IRF3: variants seen among roughly 807,000 people sequenced by gnomAD.
The protein encoded by IRF3 is interferon regulatory factor 3.
Under a neutral mutation model 43.2 loss-of-function variants are expected in IRF3, and 29 were observed. The ratio of observed to expected loss-of-function variants is 0.67; its 90% CI spans 0.50 to 0.91. IRF3 has a LOEUF of 0.91. IRF3 is among the 40% of genes least tolerant of loss of function. IRF3 has a pLI of 0.00. For synonymous variants in IRF3, 228 were observed against 233.9 expected (o/e 0.97, Z 0.23); for missense variants, 505 against 559.1 (o/e 0.90, Z 0.98).
At chr19:49,661,275 C>T (rs2122603752) in intron 6 of IRF3, among the ~76,000 whole-genome samples, 1 of 152,354 alleles carries the variant, frequency 6.6e-6, no homozygotes, top group East Asian at 1.9e-4. Flanking sequence ...GGCTGCTGCA[C>T]CGGACAGTGC....
chr19:49,661,589 T>G (rs371311632), intron 6 of IRF3: 8 of 165,634 alleles, frequency 4.8e-5, no homozygotes, highest in East Asian at 3.4e-4. Flanking sequence ...TTCTTTTTTT[T>G]TTGTTGTTCG....
chr19:49,660,802 C>T lies in IRF3; in HGVS notation c.1009G>A (p.Gly337Arg), dbSNP rs561346823. The change falls in exon 7 of 8, where the codon GGA becomes AGA. Residue 337 changes from glycine to arginine, a missense_variant. Physicochemically the swap from Gly to Arg is moderately radical, Grantham distance 125 (BLOSUM62 -2). Coordinates refer to ENST00000377139, the MANE Select transcript of IRF3 (RefSeq NM_001571.6). ...VDLITFTEGS[G>R]RSPRYALWFC... ...CAGAGGGCATAGCGTGGTGAGCGTC[C>T]GCTTCCTTCCGTGAAGGTAATCAGA... 6.3e-5 allele frequency: 101 copies of T among 1,606,266 alleles called. 1 individual carries two copies. In the Middle Eastern group the frequency reaches 8.3e-4, roughly 13 times the overall value.
Position 49,665,743 on chromosome 19 carries a change from G to C in IRF3, c.-121C>G. 1 of 1,514,808 alleles carries C rather than the reference G, an allele frequency of 6.6e-7. No individual in the cohort carries two copies. The highest frequency in any genetic ancestry group is 8.9e-7 in the Non-Finnish European group (1 of 1,126,756). The allele number at this position is 1,514,808 out of a possible 1,614,324, so 93.8% of individuals were successfully genotyped here. ...CCCCTTTCCCGTCAGCTGAGCTCTA[G>C]AGCGCTGGGGCTTTCTTTTTGATCG... is the stretch of plus-strand genomic sequence containing the variant. On this transcript the variant is annotated 5_prime_UTR_variant, in exon 1 of 8. Transcript: ENST00000377139.
At chr19:49,660,991 C>T in intron 6 of IRF3, 163 bp from the exon 7 acceptor site, 1 of 758,570 alleles carries the variant, frequency 1.3e-6, no homozygotes, top group Non-Finnish European at 2.1e-6. Flanking sequence ...TCCCTCCCTC[C>T]CTCCCTCCCA....
At chr19:49,661,879 A>G in intron 6 of IRF3, 69 bp downstream of exon 6, 1 of 1,522,684 alleles carries the variant, frequency 6.6e-7, no homozygotes, top group East Asian at 2.3e-5. Flanking sequence ...GTGCCCGGCC[A>G]ATCCTGAGTT....
intron 2 of IRF3, 134 bp from the exon 3 acceptor site, chr19:49,663,648 A>T: frequency 2.5e-6 from 2 of 802,562 alleles, no homozygotes; most frequent in Non-Finnish European, 3.8e-6. Flanking sequence ...GTCCATCCCC[A>T]AATCCCCCCG....
chr19:49,664,790 C>T lies in IRF3; in HGVS notation c.49G>A (p.Asp17Asn). 6.2e-7 allele frequency: 1 copy of T among 1,613,952 alleles called. No individual in the cohort carries two copies. The highest frequency in any genetic ancestry group is 1.1e-5 in the South Asian group (1 of 91,074). ...RILPWLVSQL[D>N]LGQLEGVAWV... ...GCCACGCCCTCCAGTTGCCCCAGGT[C>T]CAGCTGCGACACCAGCCAGGGCAGG... Residue 17 changes from aspartate (D) to asparagine (N), a missense_variant, in exon 2 of 8, where the codon GAC becomes AAC. Coordinates refer to ENST00000377139, the MANE Select transcript of IRF3 (RefSeq NM_001571.6).
chr19:49,664,773 C>T lies in IRF3; in HGVS notation c.66G>A (p.Glu22=), dbSNP rs750119559. Residue 22 remains glutamate (E), a synonymous_variant, in exon 2 of 8, where the codon GAG becomes GAA. Transcript: ENST00000377139. ...GGCTCTTGTTCACCCAGGCCACGCC[C>T]TCCAGTTGCCCCAGGTCCAGCTGCG... The part of the protein sequence containing the change: ...LVSQLDLGQL[E]GVAWVNKSRT... 3.1e-6 allele frequency: 5 copies of T among 1,614,004 alleles called. No homozygotes were observed. In the South Asian group the frequency reaches 5.5e-5, roughly 18 times the overall value.
At chr19:49,663,616 T>C (rs951457842) in intron 2 of IRF3, 102 bp from the exon 3 acceptor site, 104 of 1,138,580 alleles carry the variant, frequency 9.1e-5, no homozygotes, top group Non-Finnish European at 2.9e-5. Flanking sequence ...CCTCTTTCCC[T>C]GGCAAGTTCT....
intron 2 of IRF3, among the ~76,000 whole-genome samples, chr19:49,664,161 C>T (rs1262318165): frequency 6.6e-6 from 1 of 152,170 alleles, no homozygotes; most frequent in Admixed American, 6.5e-5. Context: ...CCACCGCCCC[C>T]GGCCCAAAAA....
rs148991976 is a variant in IRF3 at position 49,662,021 on chromosome 19, G to A, written c.909C>T (p.Ser303=). 1.8e-5 allele frequency: 29 copies of A among 1,614,094 alleles called. No individual in the cohort carries two copies. In the East Asian group the frequency reaches 4.0e-4, roughly 22 times the overall value. Reference sequence around the variant, plus strand: ...GGACCTCGCCATCAGGCCCATGCCCGCTGTTGGGGAGCAGCTCCTCGCTCA... The same window carrying A: ...GGACCTCGCCATCAGGCCCATGCCCACTGTTGGGGAGCAGCTCCTCGCTCA... ...WAVSEELLPN[S]GHGPDGEVPK... is the part of the protein sequence containing the mutation. The change falls in exon 6 of 8, where the codon AGC becomes AGT. Residue 303 remains serine, a synonymous_variant. Transcript: ENST00000377139.
Position 49,659,660 on chromosome 19 carries a change from A to G in IRF3, c.1272T>C (p.Pro424=). Residue 424 remains proline (P), a synonymous_variant, in exon 8 of 8, where the codon CCT becomes CCC. Transcript: ENST00000377139. The part of the protein sequence containing the change: ...DLVEGMDFQG[P]GES The stretch of plus-strand genomic sequence containing the variant: ...GAGGAGCGAGGGCTCAGCTCTCCCC[A>G]GGGCCCTGGAAATCCATGCCCTCCA... 1.2e-6 allele frequency: 2 copies of G among 1,613,416 alleles called. No individual in the cohort carries two copies. Among genetic ancestry groups the G allele is most frequent in the South Asian group, 2.2e-5 (2 of 91,028 alleles).
In IRF3 at chr19:49,665,672, C is replaced by G; in HGVS notation, c.-50G>C. ...GGGCGTGCGGGCAGCTGGAACCCAC[C>G]CCTGTCTTGGAGCTCCGGGTAGCTC... On this transcript the variant is annotated 5_prime_UTR_variant, in exon 1 of 8. Coordinates refer to ENST00000377139, the MANE Select transcript of IRF3 (RefSeq NM_001571.6). 1 of 1,073,146 alleles carries G rather than the reference C, an allele frequency of 9.3e-7. No individual in the cohort carries two copies. Among genetic ancestry groups the G allele is most frequent in the Non-Finnish European group, 1.3e-6 (1 of 756,958 alleles). 66.5% of individuals were successfully genotyped at this position (1,073,146 alleles called of 1,614,324 possible). A position where few individuals can be genotyped will look rare whatever the true frequency, so the allele number is the denominator to read the frequency against.
chr19:49,660,585 G>T, intron 7 of IRF3, 128 bp downstream of exon 7: 2 of 949,998 alleles, frequency 2.1e-6, no homozygotes, highest in Non-Finnish European at 3.0e-6. Flanking sequence ...ATGAAAAACT[G>T]GTTATTGCAG....
At chr19:49,665,123 C>A in intron 1 of IRF3, 1 of 402,352 alleles carries the variant, frequency 2.5e-6, no homozygotes, top group South Asian at 3.9e-5. Flanking sequence ...TAGACCTCCT[C>A]CCTCCCCCAC....
chr19:49,664,573 C>T (rs756947611), intron 2 of IRF3, 101 bp downstream of exon 2: 1 of 1,609,388 alleles, frequency 6.2e-7, no homozygotes, highest in Non-Finnish European at 8.5e-7. Context: ...ACGAGCCCGC[C>T]CCTCGCGCGC....
chr19:49,662,279 C>T lies in IRF3; in HGVS notation c.651G>A (p.Gln217=). 6.2e-7 allele frequency: 1 copy of T among 1,613,852 alleles called. No individual in the cohort carries two copies. Among genetic ancestry groups the T allele is most frequent in the South Asian group, 1.1e-5 (1 of 91,090 alleles). Residue 217 remains glutamine, a synonymous_variant, in exon 6 of 8, where the codon CAG becomes CAA. Transcript: ENST00000377139. ...GGCCCTCCGGGCAGGAGATGGTCTG[C>T]TGGAAGACTTGGCGGCCCCGGTAGA... The part of the protein sequence containing the change: ...TAFYRGRQVF[Q]QTISCPEGLR...
Position 49,662,430 on chromosome 19 carries a change from C to T in IRF3, c.596G>A (p.Gly199Glu). The stretch of plus-strand genomic sequence containing the variant: ...AGCCTGCAGCTGACACTCACCTTCC[C>T]CCGGCACCAACAGCCGCTTCAGTGG... ...ENPLKRLLVP[G>E]EEWEFEVTAF... Residue 199 changes from glycine to glutamate, a missense_variant, in exon 5 of 8, where the codon GGG (glycine) becomes GAG (glutamate). By Grantham distance (98) the Gly-to-Glu change is moderately conservative. Coordinates refer to ENST00000377139, the MANE Select transcript of IRF3 (RefSeq NM_001571.6). The T allele has an allele frequency of 6.3e-7, 1 of 1,594,800 alleles. No homozygotes were observed. The highest frequency in any genetic ancestry group is 8.5e-7 in the Non-Finnish European group (1 of 1,170,614).
Position 49,661,874 on chromosome 19 carries a change from C to T in IRF3, c.982+74G>A, listed in dbSNP as rs370013322. The T allele has an allele frequency of 5.3e-4, 799 of 1,515,516 alleles. 4 individuals carry two copies. In the African/African-American group the frequency reaches 9.0e-3, roughly 17 times the overall value. 93.9% of individuals were successfully genotyped at this position (1,515,516 alleles called of 1,614,324 possible). A position where few individuals can be genotyped will look rare whatever the true frequency, so the allele number is the denominator to read the frequency against. ...GACTACAGGCGTGAGCCACCGTGCC[C>T]GGCCAATCCTGAGTTGTTAACCACT... On this transcript the variant is annotated intron_variant, in intron 6 of 7. Transcript: ENST00000377139.
Sources: allele counts gnomAD v4.1 joint callset (sites outside exome capture counted in the v4.1 genomes callset), GRCh38; gene constraint gnomAD v4.1.1; transcripts MANE v1.5; gene names NCBI Gene and HGNC (gene_info 2026-07-23, HGNC 2026-07-21).